The following NSG2 variants were observed in gnomAD, a reference collection of about 807,000 sequenced individuals.
The protein encoded by NSG2 is neuronal vesicle trafficking associated 2, also known as neuronal vesicle trafficking-associated protein 2.
A neutral mutation model predicts 16.9 loss-of-function variants in NSG2; 4 were observed. The observed-to-expected ratio is 0.24, with a 90% CI of 0.12 to 0.54. The LOEUF is 0.54. Ranked by LOEUF, NSG2 falls within the 20% of genes least tolerant of loss-of-function variation. The pLI, the probability that NSG2 is intolerant of heterozygous loss-of-function variation, is 0.95. For synonymous variants in NSG2, 98 were observed against 88.7 expected (o/e 1.11, Z -0.59); for missense variants, 179 against 221.1 (o/e 0.81, Z 1.21).
intron 2 of NSG2, 45 bp downstream of exon 2, chr5:174,046,929 A>G: frequency 6.3e-7 from 1 of 1,587,858 alleles, no homozygotes; most frequent in Non-Finnish European, 8.6e-7. Context: ...GGCTCCCCCC[A>G]TCTCAGGAAA....
intron 3 of NSG2, among the ~76,000 whole-genome samples, chr5:174,068,541 G>GATGTGGAAGGTGCTGGTGTC (rs148558065): frequency 0.15 from 23,239 of 150,362 alleles, 2,344 homozygotes; most frequent in African/African-American, 0.28. Context: ...AGGTGCTGGT[G>GATGTGGAAGGTGCTGGTGTC]ATGTTGGGGG....
intron 4 of NSG2, among the ~76,000 whole-genome samples, chr5:174,105,706 T>C (rs1318439282): frequency 6.6e-6 from 1 of 152,116 alleles, no homozygotes; most frequent in African/African-American, 2.4e-5. Flanking sequence ...TCTGAGACCA[T>C]CCTGACCAAC....
intron 2 of NSG2, among the ~76,000 whole-genome samples, chr5:174,049,821 C>A (rs181687215): frequency 4.6e-5 from 7 of 152,306 alleles, no homozygotes; most frequent in Non-Finnish European, 1.0e-4. Context: ...ATTTTAGAAT[C>A]TTTACAAGAG....
Position 174,109,111 on chromosome 5 carries a change from G to A in NSG2, c.*1606G>A, listed in dbSNP as rs116674114. 3.6e-3 allele frequency: 543 copies of A among 152,850 alleles called. No homozygotes were observed. The highest frequency in any genetic ancestry group is 6.1e-3 in the Non-Finnish European group (412 of 68,028). The allele number at this position is 152,850 out of a possible 1,614,324, so 9.5% of individuals were successfully genotyped here. ...ATTTTTGTCAGTAGGTAGCAGAGGCGGAAGTATTTTTTGGTGTAATTCTTG... is the reference window on the plus strand; with the variant it reads ...ATTTTTGTCAGTAGGTAGCAGAGGCAGAAGTATTTTTTGGTGTAATTCTTG... On this transcript the variant is annotated 3_prime_UTR_variant, in exon 5 of 5. Coordinates refer to ENST00000303177, the MANE Select transcript of NSG2 (RefSeq NM_015980.5).
At chr5:174,062,830 A>G (rs967086029) in intron 2 of NSG2, among the ~76,000 whole-genome samples, 13 of 152,218 alleles carry the variant, frequency 8.5e-5, no homozygotes, top group African/African-American at 3.1e-4. Context: ...GTTAAAGGAC[A>G]TTCTTCATAG....
intron 3 of NSG2, among the ~76,000 whole-genome samples, chr5:174,095,177 G>T (rs1467911785): frequency 1.3e-5 from 2 of 152,212 alleles, no homozygotes; most frequent in Non-Finnish European, 2.9e-5. Context: ...AGTGCATGCT[G>T]AGGAGCATGG....
chr5:174,079,498 A>G (rs978140372), intron 3 of NSG2, among the ~76,000 whole-genome samples: 2 of 152,002 alleles, frequency 1.3e-5, no homozygotes, highest in African/African-American at 4.8e-5. Context: ...CCTTGTGATC[A>G]GCCTGCCTCA....
At chr5:174,059,278 G>A (rs1017204073) in intron 2 of NSG2, among the ~76,000 whole-genome samples, 18 of 152,136 alleles carry the variant, frequency 1.2e-4, no homozygotes, top group Non-Finnish European at 1.8e-4. Flanking sequence ...CAATGTATAT[G>A]TAGTATAGCG....
chr5:174,102,388 T>A (rs953752871), intron 3 of NSG2, among the ~76,000 whole-genome samples: 1 of 152,140 alleles, frequency 6.6e-6, no homozygotes, highest in Non-Finnish European at 1.5e-5. Flanking sequence ...TTTTTCTGAA[T>A]CAAAAGGAAC....
chr5:174,060,494 A>T (rs912788740), intron 2 of NSG2, among the ~76,000 whole-genome samples: 2 of 152,210 alleles, frequency 1.3e-5, no homozygotes, highest in Non-Finnish European at 2.9e-5. Context: ...GAGATGATGG[A>T]AATAGACTTG....
chr5:174,102,867 C>T (rs893897303), intron 3 of NSG2, among the ~76,000 whole-genome samples: 8 of 151,512 alleles, frequency 5.3e-5, no homozygotes, highest in African/African-American at 1.5e-4. Context: ...CAGCCTCCTC[C>T]TCCCAGGTTC....
At chr5:174,064,935 T>G (rs12522238) in intron 3 of NSG2, among the ~76,000 whole-genome samples, 22,935 of 152,170 alleles carry the variant, frequency 0.15, 2,187 homozygotes, top group African/African-American at 0.26. Context: ...ACAAGGTGCT[T>G]GCAGCTGAGG....
At chr5:174,066,299 C>CAG (rs1228689996) in intron 3 of NSG2, 1 of 455,680 alleles carries the variant, frequency 2.2e-6, no homozygotes, top group East Asian at 6.9e-5. Flanking sequence ...TGAATGAGCA[C>CAG]AGAGCTTGCA....
At chr5:174,050,354 C>A (rs1759868366) in intron 2 of NSG2, among the ~76,000 whole-genome samples, 1 of 152,174 alleles carries the variant, frequency 6.6e-6, no homozygotes, top group African/African-American at 2.4e-5. Context: ...TGGAGGCTAG[C>A]TGGAGTCCTC....
chr5:174,062,548 G>A (rs1235134), intron 2 of NSG2: 152,231 of 152,300 alleles, frequency 1, 76,081 homozygotes, highest in Middle Eastern at 1. Flanking sequence ...TTCCCTGTTT[G>A]AGGAAGCCAG....
chr5:174,050,054 G>A (rs1203767213), intron 2 of NSG2, among the ~76,000 whole-genome samples: 3 of 152,152 alleles, frequency 2.0e-5, no homozygotes, highest in African/African-American at 7.2e-5. Flanking sequence ...CAGTCTTCTA[G>A]TGTATAGAAT....
At chr5:174,096,601 G>T (rs1760797276) in intron 3 of NSG2, among the ~76,000 whole-genome samples, 1 of 152,218 alleles carries the variant, frequency 6.6e-6, no homozygotes, top group African/African-American at 2.4e-5. Context: ...GACCAAGCTG[G>T]CTTGTTGGAG....
chr5:174,070,285 A>G (rs766850063), intron 3 of NSG2, among the ~76,000 whole-genome samples: 46 of 152,196 alleles, frequency 3.0e-4, no homozygotes, highest in Non-Finnish European at 5.4e-4. Flanking sequence ...TCAGCCTAAC[A>G]ACAATCTTGG....
intron 3 of NSG2, among the ~76,000 whole-genome samples, chr5:174,092,580 C>T (rs1035788744): frequency 2.6e-5 from 4 of 152,176 alleles, no homozygotes; most frequent in East Asian, 1.9e-4. Flanking sequence ...AGGCGATAGT[C>T]GAACCAAATT....
Sources: gnomAD v4.1 joint callset for allele counts (sites outside exome capture counted in the v4.1 genomes callset) on GRCh38, gnomAD v4.1.1 for gene constraint, MANE v1.5 for transcripts, NCBI Gene and HGNC (gene_info 2026-07-23, HGNC 2026-07-21) for gene names.